The following CDC42EP3 variants were observed in gnomAD, a reference collection of about 807,000 sequenced individuals.
CDC42EP3 encodes the protein CDC42 effector protein (Rho GTPase binding) 3.
Under a neutral mutation model 15.5 loss-of-function variants are expected in CDC42EP3, and 4 were observed. That is an observed-to-expected ratio of 0.26 (90% CI 0.13 to 0.59). The LOEUF is 0.59. CDC42EP3 is among the 20% of genes least tolerant of loss of function. The pLI is 0.89. For synonymous variants in CDC42EP3, 145 were observed against 130.3 expected, an observed-to-expected ratio of 1.11 and a Z score of -0.77; for missense variants, 309 against 311.2, an observed-to-expected ratio of 0.99 and a Z score of 0.05.
rs774036994 is a variant in CDC42EP3 at position 37,645,897 on chromosome 2, G to C, written c.691C>G (p.Leu231Val). Residue 231 changes from leucine to valine, a missense_variant, in exon 2 of 2, where the codon CTC becomes GTC. By Grantham distance (32) the Leu-to-Val change is conservative (BLOSUM62 1). Transcript: ENST00000295324. ...CCAAGATCAAGCTGCAGGGAGAGGA[G>C]GGAACCTGTAAGGTCAGAGAGGGAC... ...EESLSDLTGS[L>V]LSLQLDLGPS... is the part of the protein sequence containing the mutation. 2.6e-5 allele frequency: 42 copies of C among 1,607,394 alleles called. No individual in the cohort carries two copies. Among genetic ancestry groups the C allele is most frequent in the Non-Finnish European group, 3.5e-5 (41 of 1,177,108 alleles).
intron 1 of CDC42EP3, among the ~76,000 whole-genome samples, chr2:37,668,770 CAAGT>C (rs1468691592): frequency 6.6e-6 from 1 of 152,152 alleles, no homozygotes; most frequent in African/African-American, 2.4e-5. Flanking sequence ...TTGCTAGAAA[CAAGT>C]AAGATAATCA....
intron 1 of CDC42EP3, among the ~76,000 whole-genome samples, chr2:37,658,674 T>C (rs1466394891): frequency 6.6e-6 from 1 of 152,152 alleles, no homozygotes; most frequent in Non-Finnish European, 1.5e-5. Flanking sequence ...AACCCAGCTA[T>C]CATCCCAGCA....
intron 1 of CDC42EP3, among the ~76,000 whole-genome samples, chr2:37,656,990 ACCC>A (rs1558340416): frequency 2.4e-5 from 1 of 42,336 alleles, no homozygotes; most frequent in Admixed American, 2.5e-4. Context: ...CCCCCCCCCC[ACCC>A]CCCGCCCCCC....
chr2:37,648,738 A>G (rs1665564134), intron 1 of CDC42EP3, among the ~76,000 whole-genome samples: 1 of 152,208 alleles, frequency 6.6e-6, no homozygotes, highest in Non-Finnish European at 1.5e-5. Context: ...TGTGGTAACA[A>G]AAGTTGAAGC....
intron 1 of CDC42EP3, among the ~76,000 whole-genome samples, chr2:37,658,651 C>T (rs543664844): frequency 6.6e-6 from 1 of 152,270 alleles, no homozygotes; most frequent in Admixed American, 6.5e-5. Flanking sequence ...TGGCAGAAGT[C>T]ACTCAATTCC....
chr2:37,668,043 A>T (rs192664480), intron 1 of CDC42EP3, among the ~76,000 whole-genome samples: 1 of 152,364 alleles, frequency 6.6e-6, no homozygotes, highest in Admixed American at 6.5e-5. Context: ...GTTGTTTTTT[A>T]TACATACATA....
intron 1 of CDC42EP3, among the ~76,000 whole-genome samples, chr2:37,653,064 C>T (rs941472358): frequency 2.0e-5 from 3 of 152,134 alleles, no homozygotes; most frequent in African/African-American, 7.2e-5. Context: ...TTCCTCTTTC[C>T]CTTCATAGAT....
At chr2:37,656,591 G>A (rs1267630081) in intron 1 of CDC42EP3, among the ~76,000 whole-genome samples, 1 of 152,346 alleles carries the variant, frequency 6.6e-6, no homozygotes, top group South Asian at 2.1e-4. Context: ...GTAATGCTCA[G>A]AGCATACCTC....
chr2:37,646,054 T>C lies in CDC42EP3; in HGVS notation c.534A>G (p.Ala178=). 4 of 1,614,156 alleles carry C rather than the reference T, an allele frequency of 2.5e-6. No individual in the cohort carries two copies. Among genetic ancestry groups the C allele is most frequent in the Non-Finnish European group, 8.5e-7 (1 of 1,180,008 alleles). ...TGTCTCTGCCTTGGCTGGACTGAGA[T>C]GCAGAACCGCTGGAGCCCCACGAGG... is the stretch of plus-strand genomic sequence containing the variant. The part of the protein sequence containing the change: ...GDTSWGSSGS[A]SQSSQGRDSH... Residue 178 remains alanine (A), a synonymous_variant, in exon 2 of 2, where the codon GCA becomes GCG. Coordinates refer to ENST00000295324, the MANE Select transcript of CDC42EP3 (RefSeq NM_006449.5).
At chr2:37,655,056 A>C (rs1309238754) in intron 1 of CDC42EP3, among the ~76,000 whole-genome samples, 1 of 152,230 alleles carries the variant, frequency 6.6e-6, no homozygotes, top group African/African-American at 2.4e-5. Context: ...CCATTTGAGA[A>C]GATAAGAAGA....
At chr2:37,660,368 A>G (rs569508977) in intron 1 of CDC42EP3, among the ~76,000 whole-genome samples, 101 of 152,306 alleles carry the variant, frequency 6.6e-4, no homozygotes, top group African/African-American at 2.2e-3. Flanking sequence ...GGCTGGGGCT[A>G]TCTTCTCATT....
chr2:37,646,083 C>G lies in CDC42EP3; in HGVS notation c.505G>C (p.Asp169His). 1 of 1,614,230 alleles carries G rather than the reference C, an allele frequency of 6.2e-7. No homozygotes were observed. Among genetic ancestry groups the G allele is most frequent in the Non-Finnish European group, 8.5e-7 (1 of 1,180,042 alleles). The stretch of plus-strand genomic sequence containing the variant: ...GAACCGCTGGAGCCCCACGAGGTGT[C>G]TCCCTGGTGGACTGTCCCATTCTCC... The part of the protein sequence containing the change: ...LLENGTVHQG[D>H]TSWGSSGSAS... Residue 169 changes from aspartate (D) to histidine (H), a missense_variant, in exon 2 of 2, where the codon GAC becomes CAC. Asp to His is a moderately conservative substitution (Grantham distance 81, BLOSUM62 -1). Transcript: ENST00000295324.
intron 1 of CDC42EP3, among the ~76,000 whole-genome samples, chr2:37,653,866 G>T (rs1201289916): frequency 6.6e-6 from 1 of 152,164 alleles, no homozygotes; most frequent in Non-Finnish European, 1.5e-5. Context: ...CTGCCCCCAG[G>T]GACCTGCGGC....
At chr2:37,665,442 G>C (rs1666220481) in intron 1 of CDC42EP3, among the ~76,000 whole-genome samples, 1 of 152,126 alleles carries the variant, frequency 6.6e-6, no homozygotes, top group Non-Finnish European at 1.5e-5. Context: ...TTTTAAGTCT[G>C]AACTGACCCT....
At position 37,646,698 on chromosome 2, in the gene CDC42EP3, A is replaced by G; in HGVS notation, c.-111T>C. ...TAGGAACTGTCACATCATTTTTCTC[A>G]AGTGGCTTCAGAAGTGGCTTCGAAA... On this transcript the variant is annotated 5_prime_UTR_variant, in exon 2 of 2. Coordinates refer to ENST00000295324, the MANE Select transcript of CDC42EP3 (RefSeq NM_006449.5). 8.2e-6 allele frequency: 9 copies of G among 1,096,178 alleles called. No homozygotes were observed. In the South Asian group the frequency reaches 1.5e-4, roughly 18 times the overall value. 67.9% of individuals were successfully genotyped at this position (1,096,178 alleles called of 1,614,324 possible).
chr2:37,661,149 T>C (rs886106604), intron 1 of CDC42EP3, among the ~76,000 whole-genome samples: 2 of 127,264 alleles, frequency 1.6e-5, no homozygotes, highest in African/African-American at 5.1e-5. Flanking sequence ...ATAGTGTGTG[T>C]ATATATATAT....
rs980839796 is a variant in CDC42EP3, at chr2:37,643,074, C to G, written c.*2749G>C. The G allele has an allele frequency of 2.6e-5, 4 of 152,190 alleles. No individual in the cohort carries two copies. Among genetic ancestry groups the G allele is most frequent in the African/African-American group, 9.7e-5 (4 of 41,450 alleles). 9.4% of individuals were successfully genotyped at this position (152,190 alleles called of 1,614,324 possible). ...GAAGTGTCTCTACTTATACAAATGG[C>G]ATGGTTTCTTTTCTGGTTACTGGGT... On this transcript the variant is annotated 3_prime_UTR_variant, in exon 2 of 2. Coordinates refer to ENST00000295324, the MANE Select transcript of CDC42EP3 (RefSeq NM_006449.5).
chr2:37,655,780 G>A (rs995979583), intron 1 of CDC42EP3, among the ~76,000 whole-genome samples: 1 of 152,216 alleles, frequency 6.6e-6, no homozygotes, highest in Non-Finnish European at 1.5e-5. Context: ...TACAGGAAGA[G>A]AACTTGACTC....
At chr2:37,659,047 C>A (rs1268479328) in intron 1 of CDC42EP3, among the ~76,000 whole-genome samples, 2 of 152,256 alleles carry the variant, frequency 1.3e-5, no homozygotes, top group African/African-American at 4.8e-5. Flanking sequence ...TTCCCCATGG[C>A]ATCCTAAGCT....
Sources: allele counts gnomAD v4.1 joint callset (sites outside exome capture counted in the v4.1 genomes callset), GRCh38; gene constraint gnomAD v4.1.1; transcripts MANE v1.5; gene names NCBI Gene and HGNC (gene_info 2026-07-23, HGNC 2026-07-21).